Variants in SLC9A9 observed in about 807,000 individuals in gnomAD.
SLC9A9 encodes the protein sodium/hydrogen exchanger 9.
A neutral mutation model predicts 77.8 loss-of-function variants in SLC9A9; 62 were observed. The observed-to-expected ratio is 0.80, with a 90% CI of 0.65 to 0.98. The LOEUF (loss-of-function observed/expected upper bound fraction) is 0.98. SLC9A9 is among the 50% of genes least tolerant of loss of function. The pLI, the probability that SLC9A9 is intolerant of heterozygous loss-of-function variation, is 0.00. For missense variants in SLC9A9, 775 were observed against 774.9 expected, an observed-to-expected ratio of 1.00 and a Z score of 0.00; for synonymous variants, 320 against 283.5, an observed-to-expected ratio of 1.13 and a Z score of -1.29.
At chr3:143,695,813 C>T (rs115508281) in intron 4 of SLC9A9, among the ~76,000 whole-genome samples, 1,668 of 151,938 alleles carry the variant, frequency 0.011, 9 homozygotes, top group Non-Finnish European at 0.017. Flanking sequence ...GTAAAAGCAG[C>T]TGTTGTTTCC....
intron 5 of SLC9A9, among the ~76,000 whole-genome samples, chr3:143,653,533 C>A (rs141840594): frequency 2.0e-5 from 3 of 151,772 alleles, no homozygotes; most frequent in Non-Finnish European, 4.4e-5. Flanking sequence ...AACAGTGCTA[C>A]GAGGAAATAA....
At chr3:143,493,582 C>T (rs967734171) in intron 11 of SLC9A9, 71 bp downstream of exon 11, 3 of 1,418,390 alleles carry the variant, frequency 2.1e-6, no homozygotes, top group Admixed American at 3.4e-5. Context: ...TCTAAATTTT[C>T]TCATGGTTTT....
chr3:143,318,763 C>A (rs2031313224), intron 14 of SLC9A9, among the ~76,000 whole-genome samples: 1 of 152,166 alleles, frequency 6.6e-6, no homozygotes, highest in African/African-American at 2.4e-5. Context: ...CCTGTCTACA[C>A]AAATGTAGAC....
intron 14 of SLC9A9, among the ~76,000 whole-genome samples, chr3:143,316,114 G>C (rs903460701): frequency 2.0e-5 from 3 of 152,206 alleles, no homozygotes; most frequent in Non-Finnish European, 2.9e-5. Context: ...TGGAGGGCTT[G>C]GAGGTTAAGA....
chr3:143,457,419 G>A (rs2035113919), intron 12 of SLC9A9, among the ~76,000 whole-genome samples: 1 of 151,992 alleles, frequency 6.6e-6, no homozygotes, highest in Non-Finnish European at 1.5e-5. Flanking sequence ...ACCAGGTTTT[G>A]GTCATCGATT....
chr3:143,670,525 G>T lies in SLC9A9; in HGVS notation c.650-18165C>A, dbSNP rs140503298. Among the ~76,000 whole-genome samples the T allele has an allele frequency of 3.9e-4, 59 of 152,294 alleles. 1 individual carries two copies. In the East Asian group the frequency reaches 0.011, roughly 29 times the overall value. On this transcript the variant is annotated intron_variant, in intron 5 of 15. Transcript: ENST00000316549. ...CACTCCAAAGAGTATCTGAGCCCAG[G>T]GAGACCTTGCTAATGTTCTGCAGGT...
At chr3:143,726,599 G>A (rs528181824) in intron 4 of SLC9A9, among the ~76,000 whole-genome samples, 7 of 152,050 alleles carry the variant, frequency 4.6e-5, no homozygotes, top group Non-Finnish European at 8.8e-5. Context: ...TCCCTTCAAG[G>A]GATAAGCTAC....
intron 14 of SLC9A9, among the ~76,000 whole-genome samples, chr3:143,290,406 A>C (rs1029020302): frequency 6.6e-6 from 1 of 152,232 alleles, no homozygotes; most frequent in Non-Finnish European, 1.5e-5. Context: ...TTTGCTAAAT[A>C]AGTGAGCACA....
intron 2 of SLC9A9, among the ~76,000 whole-genome samples, chr3:143,798,270 A>G (rs755298361): frequency 5.9e-5 from 9 of 152,202 alleles, no homozygotes; most frequent in Admixed American, 1.3e-4. Context: ...CGCCAGTCAC[A>G]GACTCGGGAA....
At chr3:143,665,149 T>C (rs1018522786) in intron 5 of SLC9A9, among the ~76,000 whole-genome samples, 27 of 152,210 alleles carry the variant, frequency 1.8e-4, no homozygotes, top group African/African-American at 6.3e-4. Flanking sequence ...TAGACCATAG[T>C]GCAATCAAAT....
chr3:143,559,422 C>A (rs916703140), intron 8 of SLC9A9, among the ~76,000 whole-genome samples: 41 of 152,164 alleles, frequency 2.7e-4, no homozygotes, highest in African/African-American at 9.9e-4. Context: ...TATGTTTAAG[C>A]TGAAAGATTA....
intron 8 of SLC9A9, among the ~76,000 whole-genome samples, chr3:143,565,323 A>G (rs1294886450): frequency 6.6e-6 from 1 of 152,172 alleles, no homozygotes; most frequent in Non-Finnish European, 1.5e-5. Flanking sequence ...TATTTGTGCC[A>G]TCTTCTGACA....
At chr3:143,643,924 T>C (rs1406443853) in intron 6 of SLC9A9, among the ~76,000 whole-genome samples, 1 of 151,090 alleles carries the variant, frequency 6.6e-6, no homozygotes, top group Non-Finnish European at 1.5e-5. Context: ...GCAAACAGAG[T>C]CTTTGTGACT....
chr3:143,708,842 TGGGA>T (rs926457737), intron 4 of SLC9A9, among the ~76,000 whole-genome samples: 1 of 152,074 alleles, frequency 6.6e-6, no homozygotes, highest in Admixed American at 6.6e-5. Context: ...ACTCACAGCT[TGGGA>T]GGAGGGATAA....
intron 2 of SLC9A9, among the ~76,000 whole-genome samples, chr3:143,808,292 C>G (rs573886475): frequency 2.6e-5 from 4 of 152,216 alleles, no homozygotes; most frequent in African/African-American, 4.8e-5. Flanking sequence ...TATACTTGCT[C>G]ATTCAGAAAC....
intron 5 of SLC9A9, among the ~76,000 whole-genome samples, chr3:143,662,511 C>T (rs1201120450): frequency 6.6e-6 from 1 of 152,192 alleles, no homozygotes; most frequent in Admixed American, 6.5e-5. Flanking sequence ...ATCACCTCAC[C>T]CGAGAAGTGC....
chr3:143,642,098 A>T (rs1025340934), intron 6 of SLC9A9, among the ~76,000 whole-genome samples: 5 of 152,222 alleles, frequency 3.3e-5, no homozygotes, highest in African/African-American at 1.2e-4. Flanking sequence ...CTGAAAATGT[A>T]TTTAATCTTA....
intron 12 of SLC9A9, among the ~76,000 whole-genome samples, chr3:143,449,818 ATTTAC>A (rs2034951525): frequency 2.4e-5 from 1 of 41,012 alleles, no homozygotes; most frequent in African/African-American, 1.6e-4. Context: ...ATAATTATAT[ATTTAC>A]ATATATAATT....
At chr3:143,450,872 C>T (rs577594091) in intron 12 of SLC9A9, among the ~76,000 whole-genome samples, 6 of 152,142 alleles carry the variant, frequency 3.9e-5, no homozygotes, top group African/African-American at 1.4e-4. Context: ...CTCAGCCAAC[C>T]CACTCCCAGC....
Sources: gnomAD v4.1 joint callset for allele counts (sites outside exome capture counted in the v4.1 genomes callset) on GRCh38, gnomAD v4.1.1 for gene constraint, MANE v1.5 for transcripts, NCBI Gene and HGNC (gene_info 2026-07-23, HGNC 2026-07-21) for gene names.